The following MB21D2 variants were observed in gnomAD, a reference collection of about 807,000 sequenced individuals.
The protein encoded by MB21D2 is nucleotidyltransferase MB21D2.
MB21D2 carries 9 observed loss-of-function variants against 33.3 expected under a neutral mutation model. The ratio of observed to expected loss-of-function variants is 0.27; its 90% CI spans 0.16 to 0.47. The LOEUF (loss-of-function observed/expected upper bound fraction) is 0.47. Among genes scored for constraint, MB21D2 ranks in the 20% least tolerant of loss-of-function variants. The pLI is 0.99. For synonymous variants in MB21D2, 241 were observed against 236.3 expected, an observed-to-expected ratio of 1.02 and a Z score of -0.18; for missense variants, 540 against 624.6, an observed-to-expected ratio of 0.86 and a Z score of 1.44.
At chr3:192,859,523 C>T (rs977081049) in intron 1 of MB21D2, among the ~76,000 whole-genome samples, 2 of 152,154 alleles carry the variant, frequency 1.3e-5, no homozygotes, top group Non-Finnish European at 2.9e-5. Context: ...CCATCCCTGC[C>T]CTACCATCTA....
intron 1 of MB21D2, among the ~76,000 whole-genome samples, chr3:192,845,711 C>A (rs919544311): frequency 6.6e-6 from 1 of 152,194 alleles, no homozygotes; most frequent in African/African-American, 2.4e-5. Flanking sequence ...TTTCCCTCCA[C>A]CAGAGGCTCA....
At chr3:192,884,584 G>T (rs34580376) in intron 1 of MB21D2, among the ~76,000 whole-genome samples, 3 of 151,892 alleles carry the variant, frequency 2.0e-5, no homozygotes, top group Non-Finnish European at 4.4e-5. Flanking sequence ...AGCCAGGATG[G>T]TCTTGATCTC....
chr3:192,850,976 C>G (rs544082625), intron 1 of MB21D2, among the ~76,000 whole-genome samples: 7 of 152,314 alleles, frequency 4.6e-5, no homozygotes, highest in Admixed American at 4.6e-4. Context: ...CAAGCTTGCT[C>G]TGCTACTTAT....
Position 192,822,186 on chromosome 3 carries a change from C to T in MB21D2, c.212-22536G>A, listed in dbSNP as rs559414981. ...GCATAACAGTCCAACAGAAAAAAGG[C>T]GGGGTGGGGGTGGGAGGTTGGAATG... On this transcript the variant is annotated intron_variant, in intron 1 of 1. Transcript: ENST00000392452. Among the ~76,000 whole-genome samples, 34 of 35,336 alleles carry T rather than the reference C, an allele frequency of 9.6e-4. No homozygotes were observed. In the South Asian group the frequency reaches 0.011, roughly 12 times the overall value. 23.2% of individuals were successfully genotyped at this position (35,336 alleles called of 152,430 possible).
intron 1 of MB21D2, among the ~76,000 whole-genome samples, chr3:192,805,712 C>A (rs749036364): frequency 6.6e-6 from 1 of 152,130 alleles, no homozygotes; most frequent in African/African-American, 2.4e-5. Flanking sequence ...CTCTGAGTTT[C>A]CAATTCCTTA....
At chr3:192,813,112 G>A (rs7642939) in intron 1 of MB21D2, among the ~76,000 whole-genome samples, 80,915 of 151,900 alleles carry the variant, frequency 0.53, 21,848 homozygotes, top group South Asian at 0.6. Flanking sequence ...CCAGTGACTT[G>A]TAACTTTTCT....
intron 1 of MB21D2, among the ~76,000 whole-genome samples, chr3:192,898,749 CATAACCGACTGGTGCAA>C (rs1577200686): frequency 1.3e-5 from 2 of 152,314 alleles, no homozygotes; most frequent in East Asian, 3.9e-4. Flanking sequence ...ATTGCAAATT[CATAACCGACTGGTGCAA>C]CTAAGAAACC....
chr3:192,805,084 G>A (rs993204415), intron 1 of MB21D2, among the ~76,000 whole-genome samples: 1 of 152,204 alleles, frequency 6.6e-6, no homozygotes, highest in African/African-American at 2.4e-5. Context: ...TCCAACATTT[G>A]CGCAAAGACC....
chr3:192,867,232 G>A (rs1385190973), intron 1 of MB21D2, among the ~76,000 whole-genome samples: 1 of 151,984 alleles, frequency 6.6e-6, no homozygotes, highest in Non-Finnish European at 1.5e-5. Flanking sequence ...CACCTCCCAG[G>A]AAGCAAAAAT....
intron 1 of MB21D2, among the ~76,000 whole-genome samples, chr3:192,850,454 C>T (rs1264194449): frequency 6.6e-6 from 1 of 152,206 alleles, no homozygotes; most frequent in Non-Finnish European, 1.5e-5. Context: ...ACCCACCCAC[C>T]ATATCTCTCC....
intron 1 of MB21D2, among the ~76,000 whole-genome samples, chr3:192,819,342 C>G (rs985370664): frequency 6.6e-6 from 1 of 152,182 alleles, no homozygotes; most frequent in Non-Finnish European, 1.5e-5. Context: ...TTGCCTGAAT[C>G]CAAAACACTG....
At chr3:192,875,426 C>T (rs1713409019) in intron 1 of MB21D2, among the ~76,000 whole-genome samples, 1 of 152,162 alleles carries the variant, frequency 6.6e-6, no homozygotes, top group South Asian at 2.1e-4. Context: ...CACATGGATG[C>T]GTAGAGAAAA....
intron 1 of MB21D2, among the ~76,000 whole-genome samples, chr3:192,861,946 G>T (rs1263090262): frequency 6.6e-6 from 1 of 152,168 alleles, no homozygotes; most frequent in Non-Finnish European, 1.5e-5. Context: ...GGGGCAACAG[G>T]CCAGGTACAG....
At chr3:192,896,193 C>A (rs1212171483) in intron 1 of MB21D2, among the ~76,000 whole-genome samples, 1 of 152,110 alleles carries the variant, frequency 6.6e-6, no homozygotes, top group Non-Finnish European at 1.5e-5. Context: ...ATGAAACATT[C>A]TTTTATCCCT....
At chr3:192,817,762 C>G (rs1348203834) in intron 1 of MB21D2, among the ~76,000 whole-genome samples, 1 of 152,132 alleles carries the variant, frequency 6.6e-6, no homozygotes, top group Non-Finnish European at 1.5e-5. Context: ...CTGTTCCCAC[C>G]ACCGCACCCA....
At chr3:192,821,467 A>G (rs894843785) in intron 1 of MB21D2, among the ~76,000 whole-genome samples, 1 of 152,126 alleles carries the variant, frequency 6.6e-6, no homozygotes, top group Non-Finnish European at 1.5e-5. Flanking sequence ...TTCAAACACT[A>G]TGGGATCCAG....
chr3:192,814,385 T>C (rs1307085645), intron 1 of MB21D2, among the ~76,000 whole-genome samples: 1 of 152,178 alleles, frequency 6.6e-6, no homozygotes, highest in Non-Finnish European at 1.5e-5. Flanking sequence ...ATAACTGTTT[T>C]CAGTATCTGG....
At chr3:192,902,328 G>A (rs1714121391) in intron 1 of MB21D2, among the ~76,000 whole-genome samples, 1 of 152,146 alleles carries the variant, frequency 6.6e-6, no homozygotes, top group Non-Finnish European at 1.5e-5. Flanking sequence ...TTTTGTGAAG[G>A]TGCAAAGAGG....
At chr3:192,831,398 A>G (rs1577176366) in intron 1 of MB21D2, among the ~76,000 whole-genome samples, 1 of 152,190 alleles carries the variant, frequency 6.6e-6, no homozygotes. Flanking sequence ...ACTCCAAGAA[A>G]CTGTGAGATC....
Sources: gnomAD v4.1 joint callset for allele counts (sites outside exome capture counted in the v4.1 genomes callset) on GRCh38, gnomAD v4.1.1 for gene constraint, MANE v1.5 for transcripts, NCBI Gene and HGNC (gene_info 2026-07-23, HGNC 2026-07-21) for gene names.